Variants in PCDH15 observed in about 807,000 individuals in gnomAD.
PCDH15 encodes protocadherin related 15.
Under a neutral mutation model 178.5 loss-of-function variants are expected in PCDH15, and 129 were observed. The ratio of observed to expected loss-of-function variants is 0.72; its 90% CI spans 0.63 to 0.84. The LOEUF (loss-of-function observed/expected upper bound fraction) is 0.84, where lower values mean the gene tolerates loss of function less well. Among genes scored for constraint, PCDH15 ranks in the 40% least tolerant of loss-of-function variants. The pLI, the probability that PCDH15 is intolerant of heterozygous loss-of-function variation, is 0.00. For synonymous variants in PCDH15, 800 were observed against 732.0 expected (o/e 1.09, Z -1.50); for missense variants, 2,230 against 2,099.9 (o/e 1.06, Z -1.21).
At chr10:55,505,350 A>T (rs763260819) in intron 2 of PCDH15, among the ~76,000 whole-genome samples, 6 of 151,464 alleles carry the variant, frequency 4.0e-5, no homozygotes, top group Non-Finnish European at 8.9e-5. Flanking sequence ...AGTTCATAGT[A>T]ATTTGGAAAA....
intron 2 of PCDH15, among the ~76,000 whole-genome samples, chr10:55,467,576 T>C (rs1355289562): frequency 3.3e-5 from 5 of 152,106 alleles, no homozygotes; most frequent in Admixed American, 2.6e-4. Context: ...TAAGTTCCAG[T>C]AAGAGAATGG....
intron 2 of PCDH15, among the ~76,000 whole-genome samples, chr10:54,592,970 G>T (rs1463194951): frequency 6.6e-6 from 1 of 152,054 alleles, no homozygotes; most frequent in Non-Finnish European, 1.5e-5. Flanking sequence ...CTATTGACCT[G>T]TCGTCTTTCA....
At chr10:54,028,776 T>C in intron 18 of PCDH15, among the ~76,000 whole-genome samples, 1 of 63,746 alleles carries the variant, frequency 1.6e-5, no homozygotes, top group Non-Finnish European at 3.2e-5. Context: ...TATCACACTC[T>C]GGGGACTGTT....
intron 23 of PCDH15, among the ~76,000 whole-genome samples, chr10:53,947,326 T>C (rs1467035779): frequency 6.6e-6 from 1 of 152,144 alleles, no homozygotes; most frequent in Admixed American, 6.6e-5. Flanking sequence ...CAAATAAAGC[T>C]TCTAATTATT....
chr10:55,558,082 C>G (rs940740626), intron 2 of PCDH15, among the ~76,000 whole-genome samples: 1 of 151,952 alleles, frequency 6.6e-6, no homozygotes, highest in Non-Finnish European at 1.5e-5. Flanking sequence ...CATTAGATGG[C>G]CTAGTGCTGG....
chr10:55,002,179 G>T (rs759104434), intron 2 of PCDH15, among the ~76,000 whole-genome samples: 2 of 151,952 alleles, frequency 1.3e-5, no homozygotes, highest in African/African-American at 2.4e-5. Flanking sequence ...TTCTTCCTTT[G>T]TCCTTGTTTC....
chr10:54,825,373 C>G lies in PCDH15; in HGVS notation c.-29+72077G>C, dbSNP rs1160827780. ...CTTTATAGCAGCATGATTTATAGTCCTTTGGGTATATACCCAGTAATGGGA... is the reference window on the plus strand; with the variant it reads ...CTTTATAGCAGCATGATTTATAGTCGTTTGGGTATATACCCAGTAATGGGA... On this transcript the variant is annotated intron_variant, in intron 3 of 5. Coordinates refer to the PCDH15 transcript ENST00000458638. Among the ~76,000 whole-genome samples the G allele has an allele frequency of 3.4e-5, 5 of 146,844 alleles. No homozygotes were observed. The Admixed American group carries it at 3.5e-4, about 10-fold the overall frequency.
chr10:54,588,681 T>C (rs2091671013), intron 2 of PCDH15, among the ~76,000 whole-genome samples: 1 of 151,950 alleles, frequency 6.6e-6, no homozygotes, highest in African/African-American at 2.4e-5. Flanking sequence ...ACTCAAGCGA[T>C]TTTCCCACTT....
intron 2 of PCDH15, among the ~76,000 whole-genome samples, chr10:54,943,332 T>C (rs908246119): frequency 6.6e-6 from 1 of 152,020 alleles, no homozygotes; most frequent in African/African-American, 2.4e-5. Flanking sequence ...TCTCTTCTGC[T>C]GTTTTCTTCC....
chr10:55,304,196 G>A (rs76067988), intron 1 of PCDH15, among the ~76,000 whole-genome samples: 4,162 of 152,106 alleles, frequency 0.027, 59 homozygotes, highest in East Asian at 0.043. Context: ...TGCAAGTAGG[G>A]CCTAAAGGTT....
rs189388354 is a variant in PCDH15, at chr10:54,435,731, G to A, written c.158-56789C>T. On this transcript the variant is annotated intron_variant, in intron 3 of 37. Coordinates refer to ENST00000644397, the MANE Select transcript of PCDH15 (RefSeq NM_001384140.1). The stretch of plus-strand genomic sequence containing the variant: ...CACGCCTGTAATTTCAGCACTTTGG[G>A]AGGCTGAGAAGGGCGGATCACGAGA... Among the ~76,000 whole-genome samples the A allele has an allele frequency of 4.4e-4, 67 of 152,218 alleles. 3 individuals are homozygous for A. The South Asian group carries it at 0.012, about 27-fold the overall frequency.
intron 13 of PCDH15, among the ~76,000 whole-genome samples, chr10:54,161,979 T>C (rs1325991349): frequency 6.6e-6 from 1 of 152,154 alleles, no homozygotes; most frequent in Non-Finnish European, 1.5e-5. Flanking sequence ...CAGCAGGACC[T>C]AGATGAAACC....
chr10:54,655,304 C>CAGAGACAGAGAG (rs2094372347), intron 2 of PCDH15, among the ~76,000 whole-genome samples: 1 of 80,648 alleles, frequency 1.2e-5, no homozygotes, highest in Admixed American at 1.3e-4. Flanking sequence ...GAGAGAGAGA[C>CAGAGACAGAGAG]AGAGAGAGAG....
At chr10:55,288,054 A>G (rs1481353721) in intron 1 of PCDH15, among the ~76,000 whole-genome samples, 1 of 150,398 alleles carries the variant, frequency 6.6e-6, no homozygotes, top group East Asian at 1.9e-4. Context: ...GAATACTGAC[A>G]CGATACTTAA....
rs1056664985 is a variant in PCDH15 at position 55,009,245 on chromosome 10, C to A, written c.-79-111745G>T. Among the ~76,000 whole-genome samples, 3 of 127,702 alleles carry A rather than the reference C, an allele frequency of 2.3e-5. No individual in the cohort carries two copies. The East Asian group carries it at 8.7e-4, about 37-fold the overall frequency. The allele number at this position is 127,702 out of a possible 152,430, so 83.8% of individuals were successfully genotyped here. On this transcript the variant is annotated intron_variant, in intron 2 of 5. Transcript: ENST00000458638. ...CCTGAAATTTTGTTTTAATTGCACG[C>A]ACAGATGTGTGTGTGTGTGTGTGTG...
intron 13 of PCDH15, among the ~76,000 whole-genome samples, chr10:54,165,218 C>T (rs1310463749): frequency 6.6e-6 from 1 of 151,990 alleles, no homozygotes; most frequent in African/African-American, 2.4e-5. Context: ...CCAGTTTTCC[C>T]CCTTCTCTTA....
chr10:54,658,173 C>A (rs2094439244), intron 2 of PCDH15, among the ~76,000 whole-genome samples: 1 of 151,646 alleles, frequency 6.6e-6, no homozygotes, highest in African/African-American at 2.4e-5. Context: ...TAGAGGAATT[C>A]TTGAGGAAGG....
intron 2 of PCDH15, among the ~76,000 whole-genome samples, chr10:54,911,209 G>A (rs969592775): frequency 6.6e-6 from 1 of 152,142 alleles, no homozygotes; most frequent in Non-Finnish European, 1.5e-5. Flanking sequence ...AGTTTCACCG[G>A]TTAAGCTCAG....
At chr10:55,067,669 GC>G (rs1309820430) in intron 2 of PCDH15, among the ~76,000 whole-genome samples, 3 of 142,464 alleles carry the variant, frequency 2.1e-5, no homozygotes, top group Non-Finnish European at 4.5e-5. Context: ...CTTCCATGCT[GC>G]TTTCTATGGT....
Sources: gnomAD v4.1 joint callset for allele counts (sites outside exome capture counted in the v4.1 genomes callset) on GRCh38, gnomAD v4.1.1 for gene constraint, MANE v1.5 for transcripts, NCBI Gene and HGNC (gene_info 2026-07-23, HGNC 2026-07-21) for gene names.